Variants in TARBP2 observed in about 807,000 individuals in gnomAD.
TARBP2 encodes RISC-loading complex subunit TARBP2.
TARBP2 carries 23 observed loss-of-function variants against 40.4 expected under a neutral mutation model. That is an observed-to-expected ratio of 0.57 (90% confidence interval 0.41 to 0.81). TARBP2 has a LOEUF of 0.81. Among genes scored for constraint, TARBP2 ranks in the 30% least tolerant of loss-of-function variants. The pLI, the probability that TARBP2 is intolerant of heterozygous loss-of-function variation, is 0.00. For missense variants in TARBP2, 358 were observed against 473.7 expected (o/e 0.76, Z 2.27); for synonymous variants, 183 against 190.5 (o/e 0.96, Z 0.32).
intron 6 of TARBP2, 85 bp downstream of exon 6, chr12:53,504,900 C>G: frequency 6.6e-7 from 1 of 1,522,936 alleles, no homozygotes. Flanking sequence ...CCTCACTCTG[C>G]TACACCCCCT....
chr12:53,506,212 G>C lies in TARBP2; in HGVS notation c.*64G>C, dbSNP rs1943980738. On this transcript the variant is annotated 3_prime_UTR_variant, in exon 9 of 9. Transcript: ENST00000266987. ...CTGCTCTTTCTGCCTCTGGGCTCATGTATCTGCGCAGCTCTGGTACCCTCT... is the reference window on the plus strand; with the variant it reads ...CTGCTCTTTCTGCCTCTGGGCTCATCTATCTGCGCAGCTCTGGTACCCTCT... 1 of 1,568,160 alleles carries C rather than the reference G, an allele frequency of 6.4e-7. No homozygotes were observed. Among genetic ancestry groups the C allele is most frequent in the Non-Finnish European group, 8.7e-7 (1 of 1,155,042 alleles).
At chr12:53,503,901 G>A (rs1013671353) in intron 4 of TARBP2, 93 bp downstream of exon 4, 2 of 916,092 alleles carry the variant, frequency 2.2e-6, no homozygotes, top group African/African-American at 3.3e-5. Context: ...TCAGGCATGA[G>A]GAAGTCTGAG....
intron 2 of TARBP2, chr12:53,502,415 C>T (rs1943756540): frequency 5.3e-6 from 3 of 567,800 alleles, no homozygotes; most frequent in East Asian, 6.1e-5. Flanking sequence ...GGCAGATCCC[C>T]ATCACCCTAG....
Position 53,505,567 on chromosome 12 carries a change from G to T in TARBP2, c.742-82G>T. The T allele has an allele frequency of 7.1e-7, 1 of 1,399,280 alleles. No individual in the cohort carries two copies. The highest frequency in any genetic ancestry group is 1.0e-6 in the Non-Finnish European group (1 of 996,580). 86.7% of individuals were successfully genotyped at this position (1,399,280 alleles called of 1,614,324 possible). A position where few individuals can be genotyped will look rare whatever the true frequency, so the allele number is the denominator to read the frequency against. ...CTGGAGGAAGCATTCTTTGTGCTTT[G>T]TTCTCCTTTGACGTTGAATGTCTCA... On this transcript the variant is annotated intron_variant, in intron 7 of 8. Coordinates refer to ENST00000266987, the MANE Select transcript of TARBP2 (RefSeq NM_134323.2). The surrounding 1 kb of genome is among the most constrained non-coding windows in gnomAD (Gnocchi z 4.5).
In TARBP2 at chr12:53,505,547, G is replaced by A; in HGVS notation, c.742-102G>A. On this transcript the variant is annotated intron_variant, in intron 7 of 8. Transcript: ENST00000266987. The surrounding 1 kb of genome is among the most constrained non-coding windows in gnomAD (Gnocchi z 4.5). ...ATTGACTGGGGGGAGGCAAGCTGGAGGAAGCATTCTTTGTGCTTTGTTCTC... is the reference window on the plus strand; with the variant it reads ...ATTGACTGGGGGGAGGCAAGCTGGAAGAAGCATTCTTTGTGCTTTGTTCTC... 1 of 1,285,444 alleles carries A rather than the reference G, an allele frequency of 7.8e-7. No homozygotes were observed. The highest frequency in any genetic ancestry group is 1.1e-6 in the Non-Finnish European group (1 of 905,628). The allele number at this position is 1,285,444 out of a possible 1,614,324, so 79.6% of individuals were successfully genotyped here. A position where few individuals can be genotyped will look rare whatever the true frequency, so the allele number is the denominator to read the frequency against.
chr12:53,501,693 A>G, intron 1 of TARBP2: 1 of 1,434,940 alleles, frequency 7.0e-7, no homozygotes, highest in Non-Finnish European at 9.1e-7. Context: ...TTATGCCCCC[A>G]CATTCAGTGC....
chr12:53,504,211 GT>G, intron 4 of TARBP2, 185 bp from the exon 5 acceptor site: 1 of 594,290 alleles, frequency 1.7e-6, no homozygotes, highest in Non-Finnish European at 2.9e-6. Context: ...CCTCCCTTGA[GT>G]GGGAGGGGGA....
intron 2 of TARBP2, chr12:53,502,574 G>GC (rs1200040897): frequency 1.2e-4 from 28 of 241,814 alleles, no homozygotes; most frequent in African/African-American, 4.3e-4. Context: ...GGTAGTATCC[G>GC]CCCCCCCGAC....
intron 4 of TARBP2, 84 bp from the exon 5 acceptor site, chr12:53,504,313 A>C (rs1943858085): frequency 3.1e-6 from 4 of 1,275,278 alleles, no homozygotes; most frequent in Non-Finnish European, 4.3e-6. Flanking sequence ...TCAGGAATCT[A>C]AAGTAGTGGT....
At position 53,506,127 on chromosome 12, in the gene TARBP2, G is replaced by C; in HGVS notation, c.1080G>C (p.Lys360Asn). Residue 360 changes from lysine (K) to asparagine (N), a missense_variant, in exon 9 of 9, where the codon AAG (lysine) becomes AAC (asparagine). Physicochemically the swap from Lys to Asn is moderately conservative, Grantham distance 94 (BLOSUM62 0). Coordinates refer to ENST00000266987, the MANE Select transcript of TARBP2 (RefSeq NM_134323.2). ...CCCGCCGTGCCCTGCAGTACCTCAA[G>C]ATCATGGCAGGCAGCAAGTGAAGCC... is the stretch of plus-strand genomic sequence containing the variant. ...EAARRALQYL[K>N]IMAGSK 6.2e-7 allele frequency: 1 copy of C among 1,613,906 alleles called. No homozygotes were observed. Among genetic ancestry groups the C allele is most frequent in the Non-Finnish European group, 8.5e-7 (1 of 1,179,948 alleles).
In TARBP2 at chr12:53,502,083, G is replaced by C; in HGVS notation, c.122G>C (p.Arg41Thr). Reference sequence around the variant, plus strand: ...AGCCTTCTGCAGGAGTATGGGACCAGAATAGGGAAGACGCCTGTGTACGAC... The same window carrying C: ...AGCCTTCTGCAGGAGTATGGGACCACAATAGGGAAGACGCCTGTGTACGAC... ...PISLLQEYGT[R>T]IGKTPVYDLL... Residue 41 changes from arginine (R) to threonine (T), a missense_variant, in exon 2 of 9, where the codon AGA becomes ACA. Arg to Thr is a moderately conservative substitution (Grantham distance 71). Transcript: ENST00000266987. The C allele has an allele frequency of 6.2e-7, 1 of 1,614,224 alleles. No homozygotes were observed. Among genetic ancestry groups the C allele is most frequent in the Non-Finnish European group, 8.5e-7 (1 of 1,180,042 alleles).
Position 53,505,091 on chromosome 12 carries a change from G to A in TARBP2, c.614-44G>A. 1 of 1,568,906 alleles carries A rather than the reference G, an allele frequency of 6.4e-7. No individual in the cohort carries two copies. The highest frequency in any genetic ancestry group is 8.7e-7 in the Non-Finnish European group (1 of 1,150,100). On this transcript the variant is annotated intron_variant, in intron 6 of 8. Coordinates refer to ENST00000266987, the MANE Select transcript of TARBP2 (RefSeq NM_134323.2). This position sits in a 1 kb window ranked among gnomAD's most constrained non-coding sequence, Gnocchi z 4.5. ...AGTATGACCTGGGTGGAAGCACTGGGTCTGTGGGGAATCATAACCCAGCAG... is the reference window on the plus strand; with the variant it reads ...AGTATGACCTGGGTGGAAGCACTGGATCTGTGGGGAATCATAACCCAGCAG...
chr12:53,504,926 C>T, intron 6 of TARBP2, 111 bp downstream of exon 6: 1 of 1,454,908 alleles, frequency 6.9e-7, no homozygotes, highest in African/African-American at 1.4e-5. Context: ...CTTAGCTTCA[C>T]AGTCCCTAGC....
At chr12:53,501,251 C>A (rs561977038), upstream of TARBP2, 8 of 742,782 alleles carry the variant, frequency 1.1e-5, no homozygotes, top group Admixed American at 2.7e-5. Flanking sequence ...TGGAGGCTCA[C>A]GAAGTAGGGT....
At chr12:53,504,129 C>T (rs1406413048) in intron 4 of TARBP2, 1 of 573,530 alleles carries the variant, frequency 1.7e-6, no homozygotes, top group Admixed American at 3.3e-5. Context: ...AAATACAGCT[C>T]TTCTCCCACT....
rs376195763 is a variant in TARBP2, at chr12:53,505,295, C to T, written c.741+33C>T. 19 of 1,559,246 alleles carry T rather than the reference C, an allele frequency of 1.2e-5. No individual in the cohort carries two copies. The highest frequency in any genetic ancestry group is 1.7e-5 in the Non-Finnish European group (19 of 1,145,292). ...GCTCATGTGGGCCGGGCACCGTGGC[C>T]CATCCTCCATGCCAGGGCAGGGCTC... On this transcript the variant is annotated intron_variant, in intron 7 of 8. Coordinates refer to ENST00000266987, the MANE Select transcript of TARBP2 (RefSeq NM_134323.2). The surrounding 1 kb of genome is among the most constrained non-coding windows in gnomAD (Gnocchi z 4.5).
rs1383155468 is a variant in TARBP2 at position 53,501,478 on chromosome 12, C to T, written c.53+17C>T. 3 of 1,560,824 alleles carry T rather than the reference C, an allele frequency of 1.9e-6. No individual in the cohort carries two copies. The East Asian group carries it at 7.2e-5, about 37-fold the overall frequency. On this transcript the variant is annotated intron_variant, in intron 1 of 8. Coordinates refer to ENST00000266987, the MANE Select transcript of TARBP2 (RefSeq NM_134323.2). ...GCTGCCTAGGTGAGCCGTCTCGTACCGATTCCTTCAGGGCGAAAAGCGTGG... is the reference window on the plus strand; with the variant it reads ...GCTGCCTAGGTGAGCCGTCTCGTACTGATTCCTTCAGGGCGAAAAGCGTGG...
chr12:53,504,584 A>AC (rs1383229220), intron 5 of TARBP2, 114 bp from the exon 6 acceptor site: 1 of 1,604,356 alleles, frequency 6.2e-7, no homozygotes, highest in South Asian at 1.1e-5. Flanking sequence ...GGCCCTTTCC[A>AC]CCCCCCTCTC....
chr12:53,502,694 C>T, intron 2 of TARBP2: 1 of 224,036 alleles, frequency 4.5e-6, no homozygotes, highest in African/African-American at 2.3e-5. Context: ...GCTTTTACTC[C>T]AGAGCCTACC....
Sources: gnomAD v4.1 joint callset for allele counts on GRCh38, gnomAD v4.1.1 for gene constraint, Gnocchi (gnomAD v3.1) non-coding constraint, MANE v1.5 for transcripts, NCBI Gene and HGNC (gene_info 2026-07-23, HGNC 2026-07-21) for gene names.